TNRC6A: variants seen among roughly 807,000 people sequenced by gnomAD.
TNRC6A encodes the protein trinucleotide repeat containing adaptor 6A.
A neutral mutation model predicts 221.2 loss-of-function variants in TNRC6A; 44 were observed. The ratio of observed to expected loss-of-function variants is 0.20; its 90% CI spans 0.16 to 0.26. The LOEUF is 0.26. Among genes scored for constraint, TNRC6A ranks in the 10% least tolerant of loss-of-function variants. TNRC6A has a pLI of 1.00. For missense variants in TNRC6A, 2,199 were observed against 2,404.4 expected, an observed-to-expected ratio of 0.91 and a Z score of 1.79; for synonymous variants, 847 against 838.5, an observed-to-expected ratio of 1.01 and a Z score of -0.18.
At chr16:24,612,563 A>G (rs1046043476) in intron 1 of TNRC6A, among the ~76,000 whole-genome samples, 11 of 151,466 alleles carry the variant, frequency 7.3e-5, no homozygotes, top group African/African-American at 2.7e-4. Context: ...CCTGGGCAAC[A>G]TGGCAAAACC....
At chr16:24,634,920 G>T (rs1441686109) in intron 1 of TNRC6A, among the ~76,000 whole-genome samples, 1 of 151,738 alleles carries the variant, frequency 6.6e-6, no homozygotes, top group East Asian at 1.9e-4. Flanking sequence ...TAGCAAGTTG[G>T]AAAAAAAATC....
At chr16:24,687,181 G>C (rs528283669) in intron 2 of TNRC6A, among the ~76,000 whole-genome samples, 2 of 152,076 alleles carry the variant, frequency 1.3e-5, no homozygotes, top group Admixed American at 1.3e-4. Flanking sequence ...TTAGGGGATG[G>C]GCCCTACCAG....
intron 4 of TNRC6A, among the ~76,000 whole-genome samples, chr16:24,764,093 C>G (rs2057420166): frequency 6.6e-6 from 1 of 151,902 alleles, no homozygotes; most frequent in East Asian, 1.9e-4. Flanking sequence ...ACCCTTTGAC[C>G]TATATCTACC....
At chr16:24,647,905 C>G (rs942505777) in intron 2 of TNRC6A, among the ~76,000 whole-genome samples, 7 of 152,252 alleles carry the variant, frequency 4.6e-5, no homozygotes, top group African/African-American at 1.4e-4. Flanking sequence ...GCCACTGCAC[C>G]CAGCCTATTT....
chr16:24,621,010 G>T (rs971404740), intron 1 of TNRC6A, among the ~76,000 whole-genome samples: 1 of 148,448 alleles, frequency 6.7e-6, no homozygotes, highest in African/African-American at 2.5e-5. Context: ...CTTGAACCCA[G>T]GAGGTGGAGG....
At chr16:24,631,670 G>T (rs1901346653) in intron 1 of TNRC6A, among the ~76,000 whole-genome samples, 1 of 151,954 alleles carries the variant, frequency 6.6e-6, no homozygotes, top group Non-Finnish European at 1.5e-5. Flanking sequence ...TGCTTGGGAG[G>T]CTGAGGCATA....
intron 2 of TNRC6A, among the ~76,000 whole-genome samples, chr16:24,741,320 GT>G (rs1240606133): frequency 1.3e-5 from 2 of 152,116 alleles, no homozygotes; most frequent in Admixed American, 6.5e-5. Context: ...TTTTATTCCT[GT>G]TTTGAGTGTT....
intron 4 of TNRC6A, among the ~76,000 whole-genome samples, chr16:24,768,742 CATGTGTTA>C (rs1227152180): frequency 6.6e-6 from 1 of 152,184 alleles, no homozygotes; most frequent in East Asian, 1.9e-4. Flanking sequence ...AAAGTGACAT[CATGTGTTA>C]AAGCAGCGTT....
chr16:24,776,041 C>T lies in TNRC6A; in HGVS notation c.164-892C>T, dbSNP rs559937056. On this transcript the variant is annotated intron_variant, in intron 4 of 24. Transcript: ENST00000395799. ...GGTGTAGGTACTATCTCCATTTTAC[C>T]GAGAAAACAGCAGGCTCAGTTAGGT... 2.2e-4 allele frequency among the ~76,000 whole-genome samples: 34 copies of T among 152,072 alleles called. No homozygotes were observed. In the South Asian group the frequency reaches 2.3e-3, roughly 10 times the overall value.
At chr16:24,697,852 C>G (rs1448010870) in intron 2 of TNRC6A, among the ~76,000 whole-genome samples, 1 of 151,874 alleles carries the variant, frequency 6.6e-6, no homozygotes, top group East Asian at 1.9e-4. Flanking sequence ...CCATCCTGAC[C>G]AACATGGTGA....
chr16:24,645,593 T>C (rs1391553507), intron 2 of TNRC6A, among the ~76,000 whole-genome samples: 1 of 151,858 alleles, frequency 6.6e-6, no homozygotes, highest in Admixed American at 6.6e-5. Flanking sequence ...TGTAAAAGGA[T>C]GCTGTATAAA....
In TNRC6A at chr16:24,789,495, A is replaced by G. The variant is rs1567475972; in HGVS notation, c.853A>G (p.Asn285Asp). The G allele has an allele frequency of 1.2e-6, 2 of 1,614,204 alleles. No homozygotes were observed. The highest frequency in any genetic ancestry group is 1.1e-5 in the South Asian group (1 of 91,082). Residue 285 changes from asparagine (N) to aspartate (D), a missense_variant, in exon 6 of 25, where the codon AAT becomes GAT. Physicochemically the swap from Asn to Asp is conservative, Grantham distance 23. Coordinates refer to ENST00000395799, the MANE Select transcript of TNRC6A (RefSeq NM_014494.4). The stretch of plus-strand genomic sequence containing the variant: ...AGGTGGTGAAAAAGATGGCCTTCGG[A>G]ATAGCACTGGACTTGGTTCCCAAAA... ...NTGGEKDGLRNSTGLGSQNKF... is the reference protein window; with the variant it reads ...NTGGEKDGLRDSTGLGSQNKF...
At chr16:24,764,330 CTT>C (rs938169376) in intron 4 of TNRC6A, among the ~76,000 whole-genome samples, 18 of 141,916 alleles carry the variant, frequency 1.3e-4, no homozygotes, top group South Asian at 2.3e-4. Context: ...CTTTTCTTTT[CTT>C]TTTTTTTTTT....
rs1784926442 is a variant in TNRC6A, at chr16:24,794,734, G to A, written c.3528+15G>A. Reference sequence around the variant, plus strand: ...TGTCATCGAAGGTAAACATTTCAAGGGCAAAGCCCTTGAAACTTTAAATTC... The same window carrying A: ...TGTCATCGAAGGTAAACATTTCAAGAGCAAAGCCCTTGAAACTTTAAATTC... On this transcript the variant is annotated intron_variant, in intron 8 of 24. Coordinates refer to ENST00000395799, the MANE Select transcript of TNRC6A (RefSeq NM_014494.4). 6.3e-7 allele frequency: 1 copy of A among 1,584,604 alleles called. No individual in the cohort carries two copies. The highest frequency in any genetic ancestry group is 8.5e-7 in the Non-Finnish European group (1 of 1,170,296).
chr16:24,810,295 C>T (rs564661523), intron 18 of TNRC6A, among the ~76,000 whole-genome samples: 1 of 152,228 alleles, frequency 6.6e-6, no homozygotes, highest in Non-Finnish European at 1.5e-5. Flanking sequence ...CGAGTATCTT[C>T]TGCTTTCCAA....
intron 2 of TNRC6A, among the ~76,000 whole-genome samples, chr16:24,669,115 A>T (rs1222617194): frequency 1.3e-5 from 2 of 152,190 alleles, no homozygotes; most frequent in African/African-American, 4.8e-5. Flanking sequence ...TAAATAAATA[A>T]CAATGTGAGT....
At chr16:24,730,441 G>A in intron 2 of TNRC6A, 141 bp downstream of exon 2, 4 of 910,596 alleles carry the variant, frequency 4.4e-6, no homozygotes, top group Non-Finnish European at 6.7e-6. Flanking sequence ...AGCGGCCTGG[G>A]GGAATACTGG....
chr16:24,660,739 C>CTTTTTTTTTTTTTTTTTTTTT (rs58299677), intron 2 of TNRC6A, among the ~76,000 whole-genome samples: 27 of 91,288 alleles, frequency 3.0e-4, no homozygotes, highest in South Asian at 8.0e-4. Flanking sequence ...TTTTTTTTTT[C>CTTTTTTTTTTTTTTTTTTTTT]TTTTTTTTTT....
At chr16:24,727,836 A>C (rs1427152020), upstream of TNRC6A, among the ~76,000 whole-genome samples, 1 of 152,232 alleles carries the variant, frequency 6.6e-6, no homozygotes, top group Non-Finnish European at 1.5e-5. Flanking sequence ...ATATGTGTGT[A>C]GGTAAATGAA....
Sources: allele counts gnomAD v4.1 joint callset (sites outside exome capture counted in the v4.1 genomes callset), GRCh38; gene constraint gnomAD v4.1.1; transcripts MANE v1.5; gene names NCBI Gene and HGNC (gene_info 2026-07-23, HGNC 2026-07-21).